Variants in RBFOX1 observed in about 807,000 individuals in gnomAD.
RBFOX1 encodes RNA binding protein fox-1 homolog 1.
Under a neutral mutation model 57.7 loss-of-function variants are expected in RBFOX1, and 8 were observed. The ratio of observed to expected loss-of-function variants is 0.14; its 90% CI spans 0.08 to 0.25. The LOEUF (loss-of-function observed/expected upper bound fraction) is 0.25, where lower values mean the gene tolerates loss of function less well. Among genes scored for constraint, RBFOX1 ranks in the 10% least tolerant of loss-of-function variants. The probability of loss-of-function intolerance (pLI) is 1.00; values close to 1 mark genes in which losing one functional copy is unlikely to be tolerated. For missense variants in RBFOX1, 611 were observed against 548.5 expected, an observed-to-expected ratio of 1.11 and a Z score of -1.14; for synonymous variants, 326 against 222.4, an observed-to-expected ratio of 1.47 and a Z score of -4.15.
At chr16:6,544,616 C>A (rs1163662496) in intron 2 of RBFOX1, among the ~76,000 whole-genome samples, 1 of 152,146 alleles carries the variant, frequency 6.6e-6, no homozygotes, top group Non-Finnish European at 1.5e-5. Flanking sequence ...TTCATGGGTG[C>A]ATATAAGAGA....
chr16:6,524,747 C>A (rs1027101715), intron 2 of RBFOX1, among the ~76,000 whole-genome samples: 2 of 152,174 alleles, frequency 1.3e-5, no homozygotes, highest in Non-Finnish European at 2.9e-5. Flanking sequence ...TTGTCCACAG[C>A]CTCCGTTGGT....
chr16:6,672,904 G>C (rs1204242020), intron 3 of RBFOX1, among the ~76,000 whole-genome samples: 3 of 152,066 alleles, frequency 2.0e-5, no homozygotes, highest in Non-Finnish European at 4.4e-5. Flanking sequence ...TGACTAAACT[G>C]AATCCCCCTA....
intron 2 of RBFOX1, among the ~76,000 whole-genome samples, chr16:5,573,915 C>G (rs2046369174): frequency 1.3e-5 from 2 of 152,160 alleles, no homozygotes; most frequent in Non-Finnish European, 2.9e-5. Context: ...GATCGCGCCA[C>G]TGCACTCCAA....
At chr16:6,392,748 A>G (rs2152935960) in intron 2 of RBFOX1, among the ~76,000 whole-genome samples, 1 of 152,348 alleles carries the variant, frequency 6.6e-6, no homozygotes, top group East Asian at 1.9e-4. Flanking sequence ...GGTATGCTAA[A>G]TTCCCTCCTT....
chr16:5,869,431 C>T (rs967390947), intron 4 of RBFOX1, among the ~76,000 whole-genome samples: 6 of 152,174 alleles, frequency 3.9e-5, no homozygotes, highest in African/African-American at 1.2e-4. Flanking sequence ...TAGATGGGGA[C>T]TCTCCCAGTC....
chr16:6,674,811 A>C (rs60160739), intron 3 of RBFOX1, among the ~76,000 whole-genome samples: 14,613 of 152,236 alleles, frequency 0.096, 921 homozygotes, highest in East Asian at 0.2. Flanking sequence ...CAGAGAAAAC[A>C]AGACCCTATT....
At chr16:5,344,964 G>A (rs535692205) in intron 1 of RBFOX1, among the ~76,000 whole-genome samples, 9 of 152,194 alleles carry the variant, frequency 5.9e-5, no homozygotes, top group South Asian at 2.1e-4. Context: ...CTTCTTTCCC[G>A]CAGTGTCTGG....
intron 4 of RBFOX1, among the ~76,000 whole-genome samples, chr16:7,192,939 A>C (rs1002292831): frequency 6.6e-6 from 1 of 152,204 alleles, no homozygotes; most frequent in Non-Finnish European, 1.5e-5. Flanking sequence ...GCAGAGAGAA[A>C]GATCTCTTCC....
At chr16:7,238,327 TAA>T (rs71147675) in intron 4 of RBFOX1, among the ~76,000 whole-genome samples, 3 of 131,230 alleles carry the variant, frequency 2.3e-5, no homozygotes, top group Admixed American at 7.2e-5. Flanking sequence ...CTTAAAATGG[TAA>T]AAAAAAAATA....
intron 4 of RBFOX1, among the ~76,000 whole-genome samples, chr16:7,384,823 G>A (rs61116417): frequency 0.016 from 2,464 of 152,262 alleles, 74 homozygotes; most frequent in African/African-American, 0.056. Flanking sequence ...ACAAAATGCT[G>A]CTGGCATAGA....
intron 4 of RBFOX1, among the ~76,000 whole-genome samples, chr16:7,468,195 T>A (rs1434586997): frequency 6.6e-6 from 1 of 152,200 alleles, no homozygotes; most frequent in East Asian, 1.9e-4. Context: ...TCAAAAGAGC[T>A]GAAAAGGGTA....
intron 1 of RBFOX1, among the ~76,000 whole-genome samples, chr16:6,148,724 G>C (rs1023993905): frequency 6.6e-6 from 1 of 152,180 alleles, no homozygotes; most frequent in Non-Finnish European, 1.5e-5. Flanking sequence ...CCAGAGTAAA[G>C]TTCATTTGCC....
At chr16:6,163,593 C>T (rs756165644) in intron 1 of RBFOX1, among the ~76,000 whole-genome samples, 1 of 152,100 alleles carries the variant, frequency 6.6e-6, no homozygotes, top group African/African-American at 2.4e-5. Flanking sequence ...GTTGGGTGTT[C>T]TGTAAGCCTG....
At chr16:6,036,175 G>C (rs2095362850) in intron 1 of RBFOX1, among the ~76,000 whole-genome samples, 1 of 152,204 alleles carries the variant, frequency 6.6e-6, no homozygotes, top group South Asian at 2.1e-4. Context: ...AGAACATTGA[G>C]AAGCTGCAGG....
chr16:6,370,362 G>GAAAAAAAAAAAA (rs71145221), intron 2 of RBFOX1, among the ~76,000 whole-genome samples: 1 of 82,006 alleles, frequency 1.2e-5, no homozygotes, highest in Non-Finnish European at 2.2e-5. Context: ...CGTCTCAAAA[G>GAAAAAAAAAAAA]AAAAAAAAAA....
At chr16:7,198,233 C>T (rs1198396782) in intron 4 of RBFOX1, among the ~76,000 whole-genome samples, 1 of 152,032 alleles carries the variant, frequency 6.6e-6, no homozygotes, top group African/African-American at 2.4e-5. Context: ...TTTCAATCTC[C>T]TAACGTCGTG....
intron 4 of RBFOX1, among the ~76,000 whole-genome samples, chr16:5,923,156 G>A (rs553931080): frequency 2.6e-5 from 4 of 152,340 alleles, no homozygotes; most frequent in African/African-American, 7.2e-5. Context: ...TGTAACCAGA[G>A]AGGAAAAACG....
At chr16:6,496,376 G>A (rs2095768612) in intron 2 of RBFOX1, among the ~76,000 whole-genome samples, 2 of 152,328 alleles carry the variant, frequency 1.3e-5, no homozygotes, top group East Asian at 1.9e-4. Context: ...TTGGGAACCT[G>A]CTTTGCGGCA....
chr16:7,023,807 G>A (rs747818457), intron 3 of RBFOX1, among the ~76,000 whole-genome samples: 18 of 151,982 alleles, frequency 1.2e-4, no homozygotes, highest in African/African-American at 4.1e-4. Context: ...GAACACTCTG[G>A]AGTAGGCTGC....
Sources: gnomAD v4.1 joint callset for allele counts (sites outside exome capture counted in the v4.1 genomes callset) on GRCh38, gnomAD v4.1.1 for gene constraint, MANE v1.5 for transcripts, NCBI Gene and HGNC (gene_info 2026-07-23, HGNC 2026-07-21) for gene names.